The following PCDH15 variants were observed in gnomAD, a reference collection of about 807,000 sequenced individuals.
The protein encoded by PCDH15 is protocadherin-15.
PCDH15 carries 129 observed loss-of-function variants against 178.5 expected under a neutral mutation model. The ratio of observed to expected loss-of-function variants is 0.72; its 90% CI spans 0.63 to 0.84. PCDH15 has a LOEUF of 0.84. Ranked by LOEUF, PCDH15 falls within the 40% of genes least tolerant of loss-of-function variation. The probability of loss-of-function intolerance (pLI) is 0.00; values close to 1 mark genes in which losing one functional copy is unlikely to be tolerated. For missense variants in PCDH15, 2,230 were observed against 2,099.9 expected (o/e 1.06, Z -1.21); for synonymous variants, 800 against 732.0 (o/e 1.09, Z -1.50).
At chr10:55,101,502 G>C (rs1842576080) in intron 2 of PCDH15, among the ~76,000 whole-genome samples, 1 of 151,782 alleles carries the variant, frequency 6.6e-6, no homozygotes, top group Non-Finnish European at 1.5e-5. Context: ...TCTCAGTCTG[G>C]GCTACAAAAT....
intron 1 of PCDH15, among the ~76,000 whole-genome samples, chr10:55,232,196 A>C (rs34552290): frequency 1.3e-5 from 2 of 151,752 alleles, no homozygotes; most frequent in East Asian, 3.9e-4. Context: ...TTTTTTTAAT[A>C]TAAGGACTCA....
At position 55,462,639 on chromosome 10, in the gene PCDH15, A is replaced by G. The variant is rs561106609; in HGVS notation, c.-156+164986T>C. Among the ~76,000 whole-genome samples, 9 of 152,274 alleles carry G rather than the reference A, an allele frequency of 5.9e-5. No homozygotes were observed. In the South Asian group the frequency reaches 1.7e-3, roughly 28 times the overall value. On this transcript the variant is annotated intron_variant, in intron 2 of 5. Coordinates refer to the PCDH15 transcript ENST00000613346. The stretch of plus-strand genomic sequence containing the variant: ...GTTCGAGAAAGCCATGTTCCTATAT[A>G]TATTGTGCCTATTTAGTCTTAACTC...
intron 20 of PCDH15, among the ~76,000 whole-genome samples, chr10:54,004,996 C>A (rs1316406718): frequency 6.7e-6 from 1 of 150,268 alleles, no homozygotes; most frequent in African/African-American, 2.4e-5. Context: ...AATTGAGAAC[C>A]CAGAAATAAA....
chr10:54,242,377 A>G (rs1251588365), intron 8 of PCDH15, among the ~76,000 whole-genome samples: 3 of 151,494 alleles, frequency 2.0e-5, no homozygotes, highest in Non-Finnish European at 2.9e-5. Flanking sequence ...GATTGGATAC[A>G]TTCACTGTTT....
intron 2 of PCDH15, among the ~76,000 whole-genome samples, chr10:55,453,980 T>G (rs1839492264): frequency 6.6e-6 from 1 of 152,148 alleles, no homozygotes; most frequent in East Asian, 1.9e-4. Flanking sequence ...AAAAAAATGT[T>G]TTTTACTTTT....
intron 30 of PCDH15, 182 bp downstream of exon 30, chr10:53,831,133 C>T (rs2076991488): frequency 2.6e-6 from 2 of 773,570 alleles, no homozygotes; most frequent in African/African-American, 3.4e-5. Flanking sequence ...GAAAAATGTA[C>T]TGGGAGTTTG....
chr10:55,416,659 G>A (rs745437965), intron 2 of PCDH15, among the ~76,000 whole-genome samples: 2 of 151,706 alleles, frequency 1.3e-5, no homozygotes, highest in African/African-American at 2.4e-5. Context: ...GGAGGGCCTC[G>A]TAGAGGTGGG....
At chr10:54,666,719 T>C (rs192922249) in intron 1 of PCDH15, among the ~76,000 whole-genome samples, 1 of 151,948 alleles carries the variant, frequency 6.6e-6, no homozygotes, top group African/African-American at 2.4e-5. Context: ...CCAGAAAAGA[T>C]ATGTATTAGA....
At position 54,171,930 on chromosome 10, in the gene PCDH15, C is replaced by G. The variant is rs899515468; in HGVS notation, c.1590+11514G>C. Among the ~76,000 whole-genome samples the G allele has an allele frequency of 5.3e-5, 8 of 150,664 alleles. No homozygotes were observed. In the South Asian group the frequency reaches 1.7e-3, roughly 32 times the overall value. On this transcript the variant is annotated intron_variant, in intron 13 of 37. Transcript: ENST00000644397. ...TCTAGGTTCCCACGCCGCCCCTAATCCTGCTTGAAGCAGCCCTGAGAAACA... is the reference window on the plus strand; with the variant it reads ...TCTAGGTTCCCACGCCGCCCCTAATGCTGCTTGAAGCAGCCCTGAGAAACA...
At chr10:54,991,859 G>C (rs1456410973) in intron 2 of PCDH15, among the ~76,000 whole-genome samples, 1 of 151,972 alleles carries the variant, frequency 6.6e-6, no homozygotes, top group Non-Finnish European at 1.5e-5. Context: ...ACTAAGTAGG[G>C]CATACTGTTT....
chr10:55,374,134 C>G, intron 2 of PCDH15, among the ~76,000 whole-genome samples: 1 of 149,198 alleles, frequency 6.7e-6, no homozygotes, highest in Admixed American at 6.7e-5. Flanking sequence ...AAAGAATGGG[C>G]TTTGGGCTTT....
chr10:54,108,112 A>G (rs2094949792), intron 15 of PCDH15, among the ~76,000 whole-genome samples: 1 of 152,156 alleles, frequency 6.6e-6, no homozygotes, highest in Non-Finnish European at 1.5e-5. Context: ...GAGAGAGTGG[A>G]GCAAGATGGT....
intron 3 of PCDH15, among the ~76,000 whole-genome samples, chr10:54,812,922 C>T (rs1229637783): frequency 6.6e-6 from 1 of 152,156 alleles, no homozygotes; most frequent in East Asian, 1.9e-4. Context: ...GAACACTATC[C>T]TCACTTTGCA....
chr10:55,524,333 C>G (rs374277013), intron 2 of PCDH15, among the ~76,000 whole-genome samples: 1 of 151,548 alleles, frequency 6.6e-6, no homozygotes, highest in Non-Finnish European at 1.5e-5. Context: ...TAGCTCCTTC[C>G]TCTGTAATTC....
At chr10:53,818,841 G>T (rs919380569) in intron 33 of PCDH15, among the ~76,000 whole-genome samples, 3 of 151,912 alleles carry the variant, frequency 2.0e-5, no homozygotes, top group African/African-American at 7.2e-5. Flanking sequence ...TTACAAAGAG[G>T]CACATGCATA....
chr10:55,414,745 A>T (rs895597185), intron 2 of PCDH15, among the ~76,000 whole-genome samples: 1 of 148,992 alleles, frequency 6.7e-6, no homozygotes, highest in Non-Finnish European at 1.5e-5. Flanking sequence ...AACTTTACTG[A>T]ATTCATATAT....
intron 2 of PCDH15, among the ~76,000 whole-genome samples, chr10:55,491,397 C>T (rs1840413006): frequency 1.3e-5 from 2 of 151,730 alleles, no homozygotes; most frequent in Admixed American, 1.3e-4. Context: ...TCACAGCATG[C>T]TGAGAATATT....
intron 8 of PCDH15, among the ~76,000 whole-genome samples, chr10:54,246,331 C>T (rs2132003197): frequency 6.6e-6 from 1 of 151,948 alleles, no homozygotes; most frequent in South Asian, 2.1e-4. Flanking sequence ...ATAACTACCC[C>T]TACTTCCATC....
In PCDH15 at chr10:55,409,533, T is replaced by C. The variant is rs568474911; in HGVS notation, c.-156+218092A>G. On this transcript the variant is annotated intron_variant, in intron 2 of 5. Transcript: ENST00000613346. Reference sequence around the variant, plus strand: ...GTTTGTTTCCCTGATTCTCCTCTATTCAACACGCCAGCCAAAATTACCTTT... The same window carrying C: ...GTTTGTTTCCCTGATTCTCCTCTATCCAACACGCCAGCCAAAATTACCTTT... Among the ~76,000 whole-genome samples, 20 of 152,276 alleles carry C rather than the reference T, an allele frequency of 1.3e-4. No individual in the cohort carries two copies. In the South Asian group the frequency reaches 3.7e-3, roughly 28 times the overall value.
Sources: allele counts gnomAD v4.1 joint callset (sites outside exome capture counted in the v4.1 genomes callset), GRCh38; gene constraint gnomAD v4.1.1; transcripts MANE v1.5; gene names NCBI Gene and HGNC (gene_info 2026-07-23, HGNC 2026-07-21).